AKAP19: variants seen among roughly 807,000 people sequenced by gnomAD.
AKAP19 encodes A-kinase anchoring protein 19.
chr2:190,163,465 A>AAAC, the AKAP19 span, among the ~76,000 whole-genome samples: 2 of 151,586 alleles, frequency 1.3e-5, no homozygotes, highest in Non-Finnish European at 2.9e-5. Context: ...CAAAAAAAAA[A>AAAC]AAAACTGAGT....
the AKAP19 span, chr2:190,062,365 T>C: frequency 2.5e-6 from 4 of 1,613,464 alleles, no homozygotes; most frequent in Non-Finnish European, 3.4e-6. Context: ...AAAAGTTGTC[T>C]TATAACATCT....
At chr2:190,171,893 T>C in the AKAP19 span, among the ~76,000 whole-genome samples, 1 of 152,200 alleles carries the variant, frequency 6.6e-6, no homozygotes, top group African/African-American at 2.4e-5. Context: ...TGTGGCATGA[T>C]TGGTTCATGC....
At chr2:189,967,828 AAAAAAT>A in the AKAP19 span, among the ~76,000 whole-genome samples, 1 of 151,436 alleles carries the variant, frequency 6.6e-6, no homozygotes, top group African/African-American at 2.4e-5. Context: ...CCATCTCTAA[AAAAAAT>A]AAAAATAAAA....
chr2:190,118,600 G>A, the AKAP19 span, among the ~76,000 whole-genome samples: 5 of 152,142 alleles, frequency 3.3e-5, no homozygotes, highest in Non-Finnish European at 7.4e-5. Flanking sequence ...CATATAAACA[G>A]AACCAAAGAC....
At chr2:190,154,299 T>C in the AKAP19 span, among the ~76,000 whole-genome samples, 56,357 of 152,076 alleles carry the variant, frequency 0.37, 12,346 homozygotes, top group East Asian at 0.73. Context: ...ATAATCCCTT[T>C]TGTTTCTGTT....
chr2:189,888,185 C>T, the AKAP19 span, among the ~76,000 whole-genome samples: 3 of 152,158 alleles, frequency 2.0e-5, no homozygotes, highest in African/African-American at 7.2e-5. Context: ...AGCCAGTTTT[C>T]CAAACACCAT....
chr2:189,927,259 C>CTA, the AKAP19 span, among the ~76,000 whole-genome samples: 1 of 152,116 alleles, frequency 6.6e-6, no homozygotes, highest in African/African-American at 2.4e-5. Flanking sequence ...AATCTCAGTT[C>CTA]TATGCTCTTT....
chr2:190,083,694 C>T, the AKAP19 span, among the ~76,000 whole-genome samples: 10 of 151,484 alleles, frequency 6.6e-5, no homozygotes, highest in Admixed American at 5.9e-4. Context: ...GTTAGGTTAA[C>T]TTACAGCTAT....
chr2:190,047,587 C>T, the AKAP19 span, among the ~76,000 whole-genome samples: 1 of 152,182 alleles, frequency 6.6e-6, no homozygotes, highest in Admixed American at 6.5e-5. Context: ...ATTCCTCTCC[C>T]CTTCTCTCTC....
chr2:190,027,110 C>T, the AKAP19 span, among the ~76,000 whole-genome samples: 17 of 152,114 alleles, frequency 1.1e-4, no homozygotes, highest in Non-Finnish European at 1.5e-5. Context: ...CTTAAATTGG[C>T]CCTTGGAAAG....
chr2:189,904,239 C>T, the AKAP19 span, among the ~76,000 whole-genome samples: 1 of 151,990 alleles, frequency 6.6e-6, no homozygotes, highest in Non-Finnish European at 1.5e-5. Flanking sequence ...AAATTGCCAT[C>T]ATATACATTT....
At chr2:190,061,707 A>C in the AKAP19 span, among the ~76,000 whole-genome samples, 2 of 152,092 alleles carry the variant, frequency 1.3e-5, no homozygotes, top group Non-Finnish European at 2.9e-5. Context: ...AGCTCTCAAA[A>C]TTAAATTTTT....
the AKAP19 span, among the ~76,000 whole-genome samples, chr2:189,913,612 G>A: frequency 1.7e-4 from 26 of 152,008 alleles, no homozygotes; most frequent in African/African-American, 6.0e-4. Flanking sequence ...AAATACATAT[G>A]GCTATAGGTT....
the AKAP19 span, among the ~76,000 whole-genome samples, chr2:190,095,307 G>A: frequency 6.6e-6 from 1 of 152,154 alleles, no homozygotes; most frequent in African/African-American, 2.4e-5. Flanking sequence ...AAATACCTTT[G>A]GTAATATCAG....
the AKAP19 span, among the ~76,000 whole-genome samples, chr2:189,979,287 C>T: frequency 2.0e-5 from 3 of 151,994 alleles, no homozygotes; most frequent in African/African-American, 7.2e-5. Flanking sequence ...CACCTACAAC[C>T]AACTGATCTT....
the AKAP19 span, among the ~76,000 whole-genome samples, chr2:189,897,471 T>C: frequency 6.6e-6 from 1 of 152,168 alleles, no homozygotes; most frequent in Non-Finnish European, 1.5e-5. Flanking sequence ...CTGTGAAGTT[T>C]GCTTTAGAAT....
chr2:190,164,480 T>C, the AKAP19 span, among the ~76,000 whole-genome samples: 3 of 152,134 alleles, frequency 2.0e-5, no homozygotes, highest in Admixed American at 2.0e-4. Flanking sequence ...CAGTGAACTA[T>C]GATTGCATCA....
At chr2:190,051,983 G>T in the AKAP19 span, among the ~76,000 whole-genome samples, 2 of 151,766 alleles carry the variant, frequency 1.3e-5, no homozygotes, top group African/African-American at 4.8e-5. Flanking sequence ...GACTACAGGC[G>T]CCCGCCACCA....
At chr2:190,015,053 A>G in the AKAP19 span, among the ~76,000 whole-genome samples, 1 of 152,010 alleles carries the variant, frequency 6.6e-6, no homozygotes, top group African/African-American at 2.4e-5. Context: ...GCTTTTCCAC[A>G]TGCACATGCA....
Sources: gnomAD v4.1 joint callset for allele counts (sites outside exome capture counted in the v4.1 genomes callset) on GRCh38, gnomAD v4.1.1 for gene constraint, MANE v1.5 for transcripts, NCBI Gene and HGNC (gene_info 2026-07-23, HGNC 2026-07-21) for gene names.